The following ABCG2 variants were observed in gnomAD, a reference collection of about 807,000 sequenced individuals.
ABCG2 encodes ATP binding cassette subfamily G member 2 (JR blood group).
ABCG2 carries 80 observed loss-of-function variants against 73.5 expected under a neutral mutation model. That is an observed-to-expected ratio of 1.09 (90% CI 0.91 to 1.31). ABCG2 has a LOEUF of 1.31. Ranked by LOEUF, ABCG2 falls within the 50% of genes most tolerant of loss-of-function variation. The pLI, the probability that ABCG2 is intolerant of heterozygous loss-of-function variation, is 0.00. For synonymous variants in ABCG2, 269 were observed against 282.4 expected, an observed-to-expected ratio of 0.95 and a Z score of 0.48; for missense variants, 796 against 786.2, an observed-to-expected ratio of 1.01 and a Z score of -0.15.
chr4:88,219,561 A>G (rs1729932808), intron 1 of ABCG2, among the ~76,000 whole-genome samples: 1 of 150,030 alleles, frequency 6.7e-6, no homozygotes, highest in Non-Finnish European at 1.5e-5. Context: ...CATAATATAA[A>G]AATGTACCAT....
intron 2 of ABCG2, among the ~76,000 whole-genome samples, chr4:88,132,889 G>A (rs1239951385): frequency 6.6e-6 from 1 of 151,754 alleles, no homozygotes; most frequent in Non-Finnish European, 1.5e-5. Flanking sequence ...GGCAACATAG[G>A]GAGACACTGT....
At chr4:88,130,554 T>C (rs763697110) in intron 5 of ABCG2, among the ~76,000 whole-genome samples, 6 of 152,014 alleles carry the variant, frequency 3.9e-5, no homozygotes, top group Admixed American at 6.6e-5. Flanking sequence ...CCTACCCTGG[T>C]CCATAGAAAA....
chr4:88,095,920 T>C (rs2231158), intron 13 of ABCG2, among the ~76,000 whole-genome samples: 2,970 of 152,260 alleles, frequency 0.02, 77 homozygotes, highest in African/African-American at 0.064. Flanking sequence ...TAACTGCAAA[T>C]AATGGAAGGT....
At chr4:88,120,830 C>CA (rs1341909131) in intron 6 of ABCG2, among the ~76,000 whole-genome samples, 1 of 152,014 alleles carries the variant, frequency 6.6e-6, no homozygotes, top group Non-Finnish European at 1.5e-5. Context: ...GTTGGGAAGG[C>CA]ATGATTGGTT....
chr4:88,118,161 T>C lies in ABCG2; in HGVS notation c.789A>G (p.Arg263=), dbSNP rs1723724204. The change falls in exon 7 of 16, where the codon AGA becomes AGG. Residue 263 remains arginine (R), a synonymous_variant. Coordinates refer to ENST00000237612, the MANE Select transcript of ABCG2 (RefSeq NM_004827.3). ...FDSLTLLASG[R]LMFHGPAQEA... ...CCTGAGCAGGCCCGTGGAACATAAG[T>C]CTTCCTGAGGCCAATAAGGTGAGGC... 1.9e-6 allele frequency: 3 copies of C among 1,614,106 alleles called. No individual in the cohort carries two copies. The highest frequency in any genetic ancestry group is 1.7e-6 in the Non-Finnish European group (2 of 1,180,000).
intron 1 of ABCG2, among the ~76,000 whole-genome samples, chr4:88,224,984 C>A (rs1014880315): frequency 3.3e-5 from 5 of 152,184 alleles, no homozygotes; most frequent in African/African-American, 1.2e-4. Flanking sequence ...TTGTCAAAAA[C>A]CACTTGGCCG....
intron 1 of ABCG2, among the ~76,000 whole-genome samples, chr4:88,145,014 A>G (rs1219040379): frequency 2.0e-5 from 3 of 150,976 alleles, no homozygotes; most frequent in Non-Finnish European, 4.4e-5. Context: ...TCAGCCTGCC[A>G]CCTGCCCAGC....
chr4:88,160,918 G>A (rs555108249), upstream of ABCG2, among the ~76,000 whole-genome samples: 71 of 149,168 alleles, frequency 4.8e-4, no homozygotes, highest in African/African-American at 1.5e-3. Flanking sequence ...GCTCACTCCT[G>A]TAATCCCAAC....
chr4:88,110,605 T>A (rs928638415), intron 9 of ABCG2, among the ~76,000 whole-genome samples: 2 of 152,142 alleles, frequency 1.3e-5, no homozygotes, highest in Non-Finnish European at 2.9e-5. Context: ...GCCTCAAGCA[T>A]CCTTCTGCCT....
chr4:88,142,968 A>C (rs923854828), intron 1 of ABCG2, among the ~76,000 whole-genome samples: 24 of 152,164 alleles, frequency 1.6e-4, no homozygotes, highest in African/African-American at 5.8e-4. Context: ...ATATTTAAAA[A>C]TAAATATAAA....
chr4:88,146,935 AAGGG>A (rs1439920293), intron 1 of ABCG2, among the ~76,000 whole-genome samples: 5 of 135,386 alleles, frequency 3.7e-5, no homozygotes. Flanking sequence ...AGAAGGAAGG[AAGGG>A]AGGGAGGAAG....
Position 88,186,597 on chromosome 4 carries a change from G to T in ABCG2, c.-20+44397C>A, listed in dbSNP as rs183866724. Among the ~76,000 whole-genome samples the T allele has an allele frequency of 1.6e-4, 24 of 152,260 alleles. 1 individual carries two copies. In the East Asian group the frequency reaches 4.6e-3, roughly 29 times the overall value. ...TTGAGACAAGCCTGGCTAACATGGT[G>T]AAATCCTGTCTCTACTAAAAATACA... On this transcript the variant is annotated intron_variant, in intron 1 of 15. Coordinates refer to the ABCG2 transcript ENST00000515655.
At chr4:88,161,022 AT>A (rs1460011867), upstream of ABCG2, among the ~76,000 whole-genome samples, 2 of 151,764 alleles carry the variant, frequency 1.3e-5, no homozygotes, top group African/African-American at 2.4e-5. Context: ...CAAAAAAAAA[AT>A]ATTTTAAATT....
rs944687411 is a variant in ABCG2 at position 88,092,013 on chromosome 4, T to C, written c.*221A>G. On this transcript the variant is annotated 3_prime_UTR_variant, in exon 16 of 16. Coordinates refer to ENST00000237612, the MANE Select transcript of ABCG2 (RefSeq NM_004827.3). ...CCAGATTTCTTCCCCATGGTTACTG[T>C]CTGAGGAGATTAACTAATATGCGAT... 1.1e-5 allele frequency: 5 copies of C among 438,948 alleles called. No homozygotes were observed. The highest frequency in any genetic ancestry group is 2.0e-5 in the Non-Finnish European group (5 of 248,920). The allele number at this position is 438,948 out of a possible 1,614,324, so 27.2% of individuals were successfully genotyped here.
intron 2 of ABCG2, among the ~76,000 whole-genome samples, chr4:88,138,511 T>C (rs1384149374): frequency 6.6e-6 from 1 of 152,186 alleles, no homozygotes; most frequent in Non-Finnish European, 1.5e-5. Flanking sequence ...ATCAGCTTTT[T>C]TGGAATGTAG....
intron 1 of ABCG2, among the ~76,000 whole-genome samples, chr4:88,148,111 G>A (rs1380054927): frequency 1.3e-5 from 2 of 152,152 alleles, no homozygotes; most frequent in Non-Finnish European, 2.9e-5. Context: ...GCTGAATCTT[G>A]AACAGCACAG....
At chr4:88,193,767 CAG>C (rs1384922729) in intron 1 of ABCG2, among the ~76,000 whole-genome samples, 22 of 152,126 alleles carry the variant, frequency 1.4e-4, no homozygotes, top group Admixed American at 1.4e-3. Context: ...TATTTTGAGA[CAG>C]AGTCTTGCTC....
intron 2 of ABCG2, among the ~76,000 whole-genome samples, chr4:88,135,504 C>T (rs1725177237): frequency 7.0e-6 from 1 of 142,400 alleles, no homozygotes; most frequent in African/African-American, 2.5e-5. Flanking sequence ...ATGCTCACCT[C>T]CCTCCCACCC....
chr4:88,216,624 T>C (rs1578285820), intron 1 of ABCG2, among the ~76,000 whole-genome samples: 1 of 152,196 alleles, frequency 6.6e-6, no homozygotes, highest in South Asian at 2.1e-4. Flanking sequence ...TAAGGCACTA[T>C]TGTCCGGGGT....
Sources: gnomAD v4.1 joint callset for allele counts (sites outside exome capture counted in the v4.1 genomes callset) on GRCh38, gnomAD v4.1.1 for gene constraint, MANE v1.5 for transcripts, NCBI Gene and HGNC (gene_info 2026-07-23, HGNC 2026-07-21) for gene names.